Variants in POT1 observed in about 807,000 individuals in gnomAD.
POT1 encodes protection of telomeres 1.
A neutral mutation model predicts 78.5 loss-of-function variants in POT1; 47 were observed. The ratio of observed to expected loss-of-function variants is 0.60; its 90% confidence interval spans 0.47 to 0.76. The LOEUF (loss-of-function observed/expected upper bound fraction) is 0.76, where lower values mean the gene tolerates loss of function less well. POT1 is among the 30% of genes least tolerant of loss of function. The probability of loss-of-function intolerance (pLI) is 0.00; values close to 1 mark genes in which losing one functional copy is unlikely to be tolerated. For missense variants in POT1, 646 were observed against 749.9 expected (o/e 0.86, Z 1.62); for synonymous variants, 259 against 260.7 (o/e 0.99, Z 0.06).
At chr7:124,836,365 A>AGCTCTTT (rs1562978420) in intron 14 of POT1, among the ~76,000 whole-genome samples, 24 of 152,254 alleles carry the variant, frequency 1.6e-4, no homozygotes, top group African/African-American at 5.3e-4. Context: ...TGGAAGCCAG[A>AGCTCTTT]GTTCTGCTAT....
At chr7:124,899,733 T>C (rs1796574994) in intron 3 of POT1, among the ~76,000 whole-genome samples, 1 of 99,580 alleles carries the variant, frequency 1.0e-5, no homozygotes, top group African/African-American at 4.0e-5. Flanking sequence ...TTCTAAATTA[T>C]CCAAGTAGAA....
chr7:124,894,912 A>T (rs1473813071), intron 5 of POT1, among the ~76,000 whole-genome samples: 1 of 151,736 alleles, frequency 6.6e-6, no homozygotes, highest in Admixed American at 6.6e-5. Context: ...ATATACTAGC[A>T]TTATGTAATC....
intron 3 of POT1, among the ~76,000 whole-genome samples, chr7:124,901,779 T>G (rs541933441): frequency 6.6e-5 from 10 of 152,104 alleles, no homozygotes; most frequent in South Asian, 6.2e-4. Context: ...GCTAAAAACC[T>G]TGAAAACAGA....
chr7:124,842,411 G>A (rs1439908665), intron 13 of POT1, among the ~76,000 whole-genome samples: 1 of 151,892 alleles, frequency 6.6e-6, no homozygotes, highest in Non-Finnish European at 1.5e-5. Flanking sequence ...AAGCAGGACA[G>A]AAGTTTACCA....
At chr7:124,868,481 AAC>A (rs1396828607) in intron 7 of POT1, among the ~76,000 whole-genome samples, 1 of 152,112 alleles carries the variant, frequency 6.6e-6, no homozygotes, top group African/African-American at 2.4e-5. Flanking sequence ...TAGCCTTTAA[AAC>A]AGTTTTCAAT....
At chr7:124,907,750 T>C (rs781423883) in intron 3 of POT1, among the ~76,000 whole-genome samples, 5 of 152,080 alleles carry the variant, frequency 3.3e-5, no homozygotes, top group Admixed American at 6.6e-5. Flanking sequence ...TATGCATAAC[T>C]GCAGGTAGAG....
chr7:124,920,357 T>C (rs1183854385), intron 2 of POT1, among the ~76,000 whole-genome samples: 1 of 152,180 alleles, frequency 6.6e-6, no homozygotes, highest in Non-Finnish European at 1.5e-5. Context: ...GCCATTTATA[T>C]GACATTCTTG....
At chr7:124,831,243 T>TA (rs1794751604) in intron 15 of POT1, among the ~76,000 whole-genome samples, 1 of 152,178 alleles carries the variant, frequency 6.6e-6, no homozygotes, top group Non-Finnish European at 1.5e-5. Context: ...CATATATTGT[T>TA]AAAACCATGG....
chr7:124,831,500 T>C (rs1005737561), intron 15 of POT1, among the ~76,000 whole-genome samples: 1 of 152,122 alleles, frequency 6.6e-6, no homozygotes, highest in African/African-American at 2.4e-5. Context: ...TTCCCTCTCA[T>C]TCCATTTTTT....
intron 7 of POT1, among the ~76,000 whole-genome samples, chr7:124,866,622 T>C (rs550047661): frequency 6.6e-6 from 1 of 152,332 alleles, no homozygotes; most frequent in South Asian, 2.1e-4. Context: ...TTCAGCTGCC[T>C]TGAACTTTGA....
intron 3 of POT1, among the ~76,000 whole-genome samples, chr7:124,913,721 A>C (rs553799362): frequency 4.3e-5 from 6 of 139,084 alleles, no homozygotes; most frequent in African/African-American, 1.6e-4. Context: ...TTATTTGTTG[A>C]AAAGACAAAT....
intron 12 of POT1, among the ~76,000 whole-genome samples, chr7:124,846,162 GACAC>G (rs60301966): frequency 2.7e-5 from 4 of 148,822 alleles, no homozygotes; most frequent in East Asian, 2.0e-4. Flanking sequence ...CATTCATACT[GACAC>G]ACACACACAC....
At chr7:124,830,946 C>T (rs974759770) in intron 15 of POT1, among the ~76,000 whole-genome samples, 1 of 152,140 alleles carries the variant, frequency 6.6e-6, no homozygotes, top group Non-Finnish European at 1.5e-5. Context: ...TGTATGTGCG[C>T]TCACACATGA....
At chr7:124,874,064 T>G (rs1164140794) in intron 6 of POT1, among the ~76,000 whole-genome samples, 2 of 152,180 alleles carry the variant, frequency 1.3e-5, no homozygotes, top group Admixed American at 6.5e-5. Context: ...GAAAATGACT[T>G]CAGGCAGCAT....
chr7:124,837,805 C>T (rs1283583422), intron 14 of POT1, among the ~76,000 whole-genome samples: 1 of 151,966 alleles, frequency 6.6e-6, no homozygotes, highest in Non-Finnish European at 1.5e-5. Flanking sequence ...AAAAAATACT[C>T]AGAAAGTATT....
chr7:124,846,690 A>T (rs559034356), intron 12 of POT1, among the ~76,000 whole-genome samples: 9 of 150,634 alleles, frequency 6.0e-5, no homozygotes, highest in Non-Finnish European at 1.2e-4. Context: ...TGTTTAAAAC[A>T]TATCTGTTTT....
intron 14 of POT1, among the ~76,000 whole-genome samples, chr7:124,838,105 G>A (rs1373058148): frequency 6.6e-6 from 1 of 152,008 alleles, no homozygotes; most frequent in Non-Finnish European, 1.5e-5. Flanking sequence ...TACATTTAAT[G>A]GTGACACTTT....
intron 3 of POT1, among the ~76,000 whole-genome samples, chr7:124,903,437 CA>C (rs1796675693): frequency 6.6e-6 from 1 of 152,082 alleles, no homozygotes; most frequent in African/African-American, 2.4e-5. Flanking sequence ...GGGTACATAA[CA>C]AAATGAAGGC....
At chr7:124,885,344 A>G (rs1796218442) in intron 6 of POT1, among the ~76,000 whole-genome samples, 1 of 150,864 alleles carries the variant, frequency 6.6e-6, no homozygotes, top group South Asian at 2.1e-4. Context: ...ATGGTGGCAC[A>G]TGCTGCTAGT....
Sources: allele counts gnomAD v4.1 joint callset (sites outside exome capture counted in the v4.1 genomes callset), GRCh38; gene constraint gnomAD v4.1.1; transcripts MANE v1.5; gene names NCBI Gene and HGNC (gene_info 2026-07-23, HGNC 2026-07-21).